ARAP2: variants seen among roughly 807,000 people sequenced by gnomAD.
ARAP2 encodes the protein ArfGAP with RhoGAP domain, ankyrin repeat and PH domain 2.
In ARAP2, 148 loss-of-function variants were observed where a neutral mutation model predicts 194.5. The observed-to-expected ratio is 0.76, with a 90% CI of 0.67 to 0.87. The LOEUF (loss-of-function observed/expected upper bound fraction) is 0.87. Among genes scored for constraint, ARAP2 ranks in the 40% least tolerant of loss-of-function variants. ARAP2 has a pLI of 0.00. For synonymous variants in ARAP2, 695 were observed against 683.5 expected (o/e 1.02, Z -0.26); for missense variants, 2,128 against 1,989.7 (o/e 1.07, Z -1.32).
intron 1 of ARAP2, among the ~76,000 whole-genome samples, chr4:36,239,164 T>C (rs1440621372): frequency 6.6e-6 from 1 of 151,904 alleles, no homozygotes; most frequent in African/African-American, 2.4e-5. Context: ...TAATCCCAGC[T>C]ACTTAGGAGG....
intron 4 of ARAP2, 71 bp from the exon 5 acceptor site, chr4:36,212,558 G>T: frequency 1.0e-6 from 1 of 982,882 alleles, no homozygotes; most frequent in Non-Finnish European, 1.6e-6. Flanking sequence ...GTTTGTATGT[G>T]TAGCAATATT....
At chr4:36,088,697 C>A (rs1712612651) in intron 28 of ARAP2, among the ~76,000 whole-genome samples, 1 of 152,052 alleles carries the variant, frequency 6.6e-6, no homozygotes. Context: ...TTTATTCATG[C>A]CCACATGGAG....
chr4:36,240,667 A>G (rs780871541), intron 1 of ARAP2, among the ~76,000 whole-genome samples: 2 of 152,222 alleles, frequency 1.3e-5, no homozygotes, highest in Non-Finnish European at 2.9e-5. Context: ...GGTAAGCAAC[A>G]AGCATTTAAT....
rs71199694 is a variant in ARAP2, at chr4:36,017,564, T to TAAAAAAAAAAAAAAAAA, written n.750+1563_750+1579dup. On this transcript the variant is annotated intron_variant and non_coding_transcript_variant, in intron 6 of 12. Transcript: ENST00000503225. The stretch of plus-strand genomic sequence containing the variant: ...TTTAAGCAAAGACCTAAGAAAGTGG[T>TAAAAAAAAAAAAAAAAA]AAAAAAAAAAAAAAAAAAAAAAAGC... Among the ~76,000 whole-genome samples, 13 of 42,572 alleles carry TAAAAAAAAAAAAAAAAA rather than the reference T, an allele frequency of 3.1e-4. 3 individuals carry two copies. Among genetic ancestry groups the TAAAAAAAAAAAAAAAAA allele is most frequent in the East Asian group, 1.6e-3 (2 of 1,288 alleles). The allele number at this position is 42,572 out of a possible 152,430, so 27.9% of individuals were successfully genotyped here.
intron 2 of ARAP2, among the ~76,000 whole-genome samples, chr4:36,052,568 GTTA>G (rs1162020892): frequency 6.6e-6 from 1 of 152,148 alleles, no homozygotes; most frequent in Non-Finnish European, 1.5e-5. Flanking sequence ...CTAATGCTGC[GTTA>G]TTTTCTTTCA....
At chr4:36,185,129 T>C (rs915817264) in intron 8 of ARAP2, among the ~76,000 whole-genome samples, 3 of 152,164 alleles carry the variant, frequency 2.0e-5, no homozygotes, top group Non-Finnish European at 4.4e-5. Flanking sequence ...GAATGAGAAA[T>C]GAATGAATGA....
intron 7 of ARAP2, among the ~76,000 whole-genome samples, chr4:36,190,211 T>C (rs1052387256): frequency 5.3e-5 from 8 of 152,244 alleles, no homozygotes; most frequent in African/African-American, 1.9e-4. Flanking sequence ...AAAGCCTTTC[T>C]GACCAGCACA....
intron 30 of ARAP2, 26 bp from the exon 31 acceptor site, chr4:36,080,305 G>A (rs752939067): frequency 1.3e-6 from 2 of 1,587,528 alleles, no homozygotes; most frequent in East Asian, 4.5e-5. Context: ...TATAAACTAT[G>A]TCATTCAAAA....
At chr4:36,223,718 GCTCTCT>G (rs34904494) in intron 2 of ARAP2, among the ~76,000 whole-genome samples, 6 of 148,942 alleles carry the variant, frequency 4.0e-5, no homozygotes, top group Admixed American at 6.7e-5. Context: ...ACCAGAGATG[GCTCTCT>G]CTCTCTCTCT....
rs1334091262 is a variant in ARAP2 at position 36,066,152 on chromosome 4, T to A, written c.*1755A>T. On this transcript the variant is annotated 3_prime_UTR_variant, in exon 33 of 33. Coordinates refer to ENST00000303965, the MANE Select transcript of ARAP2 (RefSeq NM_015230.4). Reference sequence around the variant, plus strand: ...TTTAAGCTCAAGTTTCAAGAAGAATTCAGATAAGGCAGGTAAAAACTCTAG... The same window carrying A: ...TTTAAGCTCAAGTTTCAAGAAGAATACAGATAAGGCAGGTAAAAACTCTAG... The A allele has an allele frequency of 6.6e-6, 1 of 152,160 alleles. No individual in the cohort carries two copies. The highest frequency in any genetic ancestry group is 1.5e-5 in the Non-Finnish European group (1 of 68,024). 9.4% of individuals were successfully genotyped at this position (152,160 alleles called of 1,614,324 possible).
chr4:36,115,007 G>C (rs34206532), intron 25 of ARAP2, among the ~76,000 whole-genome samples: 1 of 151,974 alleles, frequency 6.6e-6, no homozygotes, highest in Non-Finnish European at 1.5e-5. Flanking sequence ...TTAGAATTTA[G>C]TCATAATGAT....
intron 27 of ARAP2, among the ~76,000 whole-genome samples, chr4:36,100,662 A>G (rs901776949): frequency 4.6e-5 from 7 of 152,092 alleles, no homozygotes; most frequent in Non-Finnish European, 1.0e-4. Context: ...TCACTGTATG[A>G]TATTCACTCA....
chr4:36,112,222 A>G (rs1720174645), intron 26 of ARAP2, among the ~76,000 whole-genome samples: 1 of 151,992 alleles, frequency 6.6e-6, no homozygotes, highest in Non-Finnish European at 1.5e-5. Flanking sequence ...TATGAGAAGT[A>G]GTCAAAAATA....
intron 5 of ARAP2, among the ~76,000 whole-genome samples, chr4:36,037,809 C>T (rs1720193421): frequency 6.6e-6 from 1 of 152,098 alleles, no homozygotes; most frequent in Non-Finnish European, 1.5e-5. Flanking sequence ...GGATTTAAAA[C>T]CAATAGTCTC....
intron 32 of ARAP2, among the ~76,000 whole-genome samples, chr4:36,072,569 T>C (rs1727247592): frequency 6.6e-6 from 1 of 151,908 alleles, no homozygotes; most frequent in Non-Finnish European, 1.5e-5. Flanking sequence ...TCAGCCTGTG[T>C]TCCCTGTCCT....
intron 15 of ARAP2, among the ~76,000 whole-genome samples, chr4:36,158,276 T>TA (rs1560554732): frequency 6.6e-6 from 1 of 151,988 alleles, no homozygotes; most frequent in African/African-American, 2.4e-5. Context: ...TTATTTTACT[T>TA]AAACACACAC....
At chr4:36,082,209 C>T (rs1260155277) in intron 30 of ARAP2, 42 bp downstream of exon 30, 3 of 1,555,290 alleles carry the variant, frequency 1.9e-6, no homozygotes, top group Non-Finnish European at 2.6e-6. Flanking sequence ...CTGAAATTGT[C>T]ACCAATATAT....
At chr4:36,237,348 G>C (rs539730627) in intron 1 of ARAP2, among the ~76,000 whole-genome samples, 1 of 152,328 alleles carries the variant, frequency 6.6e-6, no homozygotes, top group Non-Finnish European at 1.5e-5. Flanking sequence ...AGGTCTTCTA[G>C]AAGTCCACCT....
intron 5 of ARAP2, among the ~76,000 whole-genome samples, chr4:36,023,606 A>T (rs967853123): frequency 3.3e-5 from 5 of 152,116 alleles, no homozygotes; most frequent in African/African-American, 1.2e-4. Context: ...CCTGATTTGC[A>T]TCTTACTGTA....
Sources: gnomAD v4.1 joint callset for allele counts (sites outside exome capture counted in the v4.1 genomes callset) on GRCh38, gnomAD v4.1.1 for gene constraint, MANE v1.5 for transcripts, NCBI Gene and HGNC (gene_info 2026-07-23, HGNC 2026-07-21) for gene names.